The following PTPRD variants were observed in gnomAD, a reference collection of about 807,000 sequenced individuals.
The protein encoded by PTPRD is protein tyrosine phosphatase receptor type D.
Under a neutral mutation model 214.5 loss-of-function variants are expected in PTPRD, and 34 were observed. The ratio of observed to expected loss-of-function variants is 0.16; its 90% CI spans 0.12 to 0.21. The LOEUF is 0.21. Among genes scored for constraint, PTPRD ranks in the 10% least tolerant of loss-of-function variants. The pLI, the probability that PTPRD is intolerant of heterozygous loss-of-function variation, is 1.00. For synonymous variants in PTPRD, 1,128 were observed against 845.7 expected (o/e 1.33, Z -5.79); for missense variants, 2,545 against 2,398.7 (o/e 1.06, Z -1.27).
At chr9:9,566,630 A>G (rs2084628933) in intron 8 of PTPRD, among the ~76,000 whole-genome samples, 2 of 152,160 alleles carry the variant, frequency 1.3e-5, no homozygotes, top group East Asian at 3.9e-4. Flanking sequence ...GCTAAACACT[A>G]TAAAATATAA....
chr9:9,629,475 G>C (rs2095523699), intron 7 of PTPRD, among the ~76,000 whole-genome samples: 1 of 152,002 alleles, frequency 6.6e-6, no homozygotes, highest in Non-Finnish European at 1.5e-5. Flanking sequence ...ATATGTAACA[G>C]GATGCTGATT....
chr9:9,800,176 T>A (rs2099029754), intron 5 of PTPRD, among the ~76,000 whole-genome samples: 1 of 152,144 alleles, frequency 6.6e-6, no homozygotes, highest in Non-Finnish European at 1.5e-5. Context: ...ATTTGTTTTA[T>A]AAAATGTTTG....
chr9:9,811,373 G>C (rs1453299943), intron 5 of PTPRD, among the ~76,000 whole-genome samples: 1 of 152,132 alleles, frequency 6.6e-6, no homozygotes, highest in Non-Finnish European at 1.5e-5. Context: ...AAAATCTCAT[G>C]ATGAAACTTT....
At chr9:9,930,640 TTAAGTA>T (rs1337801521) in intron 5 of PTPRD, among the ~76,000 whole-genome samples, 1 of 152,140 alleles carries the variant, frequency 6.6e-6, no homozygotes, top group Non-Finnish European at 1.5e-5. Flanking sequence ...ATTTTAAAGT[TTAAGTA>T]TATGATGAAA....
At chr9:9,934,156 A>G (rs200936569) in intron 5 of PTPRD, among the ~76,000 whole-genome samples, 36,577 of 146,716 alleles carry the variant, frequency 0.25, 5,318 homozygotes, top group Middle Eastern at 0.45. Context: ...CCCTAACATC[A>G]CAATTAAAAG....
chr9:10,072,292 T>C (rs1305163206), intron 3 of PTPRD, among the ~76,000 whole-genome samples: 1 of 151,544 alleles, frequency 6.6e-6, no homozygotes, highest in East Asian at 1.9e-4. Context: ...TCTAGCAGAG[T>C]AGCTAAAATA....
At chr9:8,622,049 C>T (rs902776363) in intron 14 of PTPRD, among the ~76,000 whole-genome samples, 2 of 151,828 alleles carry the variant, frequency 1.3e-5, no homozygotes, top group Non-Finnish European at 2.9e-5. Flanking sequence ...TTTACCAGTA[C>T]ACTTTAAAAT....
chr9:8,688,729 C>T (rs1218787989), intron 12 of PTPRD, among the ~76,000 whole-genome samples: 2 of 152,122 alleles, frequency 1.3e-5, no homozygotes, highest in Non-Finnish European at 2.9e-5. Flanking sequence ...TGGATACATT[C>T]TTTTTGTAGA....
chr9:9,307,813 T>A (rs1277906498), intron 9 of PTPRD, among the ~76,000 whole-genome samples: 1 of 152,202 alleles, frequency 6.6e-6, no homozygotes. Flanking sequence ...ACCAGTATCA[T>A]CTTCCCAAAA....
intron 3 of PTPRD, among the ~76,000 whole-genome samples, chr9:10,325,823 T>C (rs1282613158): frequency 6.6e-6 from 1 of 151,898 alleles, no homozygotes; most frequent in African/African-American, 2.4e-5. Context: ...AAATTGATTT[T>C]GGATAGAGTA....
chr9:8,317,178 T>G lies in PTPRD; in HGVS notation c.*696A>C, dbSNP rs1292115980. ...CAAAAATGTGCAAATTTTCAAATGA[T>G]TTGATATTTCTACAGCAAGATATTA... is the stretch of plus-strand genomic sequence containing the variant. On this transcript the variant is annotated 3_prime_UTR_variant, in exon 46 of 46. Transcript: ENST00000381196. 3 of 231,916 alleles carry G rather than the reference T, an allele frequency of 1.3e-5. No individual in the cohort carries two copies. The highest frequency in any genetic ancestry group is 5.6e-5 in the Admixed American group (1 of 17,718). The allele number at this position is 231,916 out of a possible 1,614,324, so 14.4% of individuals were successfully genotyped here. A position where few individuals can be genotyped will look rare whatever the true frequency, so the allele number is the denominator to read the frequency against.
At chr9:9,571,495 T>A (rs1228981586) in intron 8 of PTPRD, among the ~76,000 whole-genome samples, 2 of 151,350 alleles carry the variant, frequency 1.3e-5, no homozygotes, top group African/African-American at 4.8e-5. Context: ...AATGATTACA[T>A]TTAAATGCTT....
chr9:8,838,563 TAA>T (rs145343455), intron 11 of PTPRD, among the ~76,000 whole-genome samples: 2 of 151,682 alleles, frequency 1.3e-5, no homozygotes, highest in Non-Finnish European at 2.9e-5. Context: ...AACTGAAAAA[TAA>T]AAGAGAGAAA....
At chr9:8,790,640 T>C (rs2096191533) in intron 11 of PTPRD, among the ~76,000 whole-genome samples, 1 of 152,210 alleles carries the variant, frequency 6.6e-6, no homozygotes, top group Non-Finnish European at 1.5e-5. Flanking sequence ...TTGTTAAGCA[T>C]GTATGAATAT....
intron 9 of PTPRD, among the ~76,000 whole-genome samples, chr9:9,277,166 G>T (rs1234394281): frequency 6.6e-6 from 1 of 151,194 alleles, no homozygotes; most frequent in Admixed American, 6.6e-5. Flanking sequence ...ACAATGCCAG[G>T]CTTAAAATAA....
At chr9:8,588,664 T>TTGGTAC (rs2093861202) in intron 14 of PTPRD, among the ~76,000 whole-genome samples, 1 of 152,216 alleles carries the variant, frequency 6.6e-6, no homozygotes, top group Admixed American at 6.5e-5. Context: ...TGTGTACACC[T>TTGGTAC]GTGCATACAC....
At chr9:10,584,424 T>C (rs1384948766) in intron 2 of PTPRD, among the ~76,000 whole-genome samples, 1 of 152,154 alleles carries the variant, frequency 6.6e-6, no homozygotes, top group Non-Finnish European at 1.5e-5. Flanking sequence ...CAGTAGCCTC[T>C]AGATTTTCCT....
chr9:8,533,543 A>G (rs910764638), intron 14 of PTPRD, among the ~76,000 whole-genome samples: 9 of 152,028 alleles, frequency 5.9e-5, no homozygotes, highest in African/African-American at 2.2e-4. Flanking sequence ...ATGGCAGTAC[A>G]ATAAAACAAA....
intron 2 of PTPRD, among the ~76,000 whole-genome samples, chr9:10,363,991 G>GTTTTTGTTTTTTTTTTT (rs1555222212): frequency 2.6e-4 from 9 of 35,128 alleles, no homozygotes; most frequent in East Asian, 1.1e-3. Context: ...ACATTTTCGG[G>GTTTTTGTTTTTTTTTTT]TTTTTTTTTT....
Sources: gnomAD v4.1 joint callset for allele counts (sites outside exome capture counted in the v4.1 genomes callset) on GRCh38, gnomAD v4.1.1 for gene constraint, MANE v1.5 for transcripts, NCBI Gene and HGNC (gene_info 2026-07-23, HGNC 2026-07-21) for gene names.